ZSCAN20: variants seen among roughly 807,000 people sequenced by gnomAD.
The protein encoded by ZSCAN20 is zinc finger and SCAN domain containing 20, also known as zinc finger and SCAN domain-containing protein 20.
A neutral mutation model predicts 97.1 loss-of-function variants in ZSCAN20; 39 were observed. The observed-to-expected ratio is 0.40, with a 90% CI of 0.31 to 0.52. ZSCAN20 has a LOEUF of 0.52. Ranked by LOEUF, ZSCAN20 falls within the 20% of genes least tolerant of loss-of-function variation. The pLI is 0.49. For missense variants in ZSCAN20, 1,115 were observed against 1,290.4 expected (o/e 0.86, Z 2.08); for synonymous variants, 456 against 467.3 (o/e 0.98, Z 0.31).
chr1:33,495,590 A>G lies in ZSCAN20; in HGVS notation c.*114A>G. ...AGCTTGGTGTGTACCCAGGGAAGTTATCTTGGTATAAACCAGGTAATTTGG... is the reference window on the plus strand; with the variant it reads ...AGCTTGGTGTGTACCCAGGGAAGTTGTCTTGGTATAAACCAGGTAATTTGG... On this transcript the variant is annotated 3_prime_UTR_variant, in exon 8 of 8. Coordinates refer to ENST00000684572, the MANE Select transcript of ZSCAN20 (RefSeq NM_001377376.1). 1 of 1,003,224 alleles carries G rather than the reference A, an allele frequency of 1.0e-6. No homozygotes were observed. Among genetic ancestry groups the G allele is most frequent in the Non-Finnish European group, 1.3e-6 (1 of 745,558 alleles). 62.1% of individuals were successfully genotyped at this position (1,003,224 alleles called of 1,614,324 possible).
At chr1:33,487,451 T>C (rs1281179243) in intron 2 of ZSCAN20, among the ~76,000 whole-genome samples, 2 of 152,170 alleles carry the variant, frequency 1.3e-5, no homozygotes, top group South Asian at 2.1e-4. Flanking sequence ...TTGGGTAATG[T>C]TATTTTAGTT....
chr1:33,480,696 T>C (rs1045283132), intron 2 of ZSCAN20, among the ~76,000 whole-genome samples: 1 of 152,238 alleles, frequency 6.6e-6, no homozygotes, highest in African/African-American at 2.4e-5. Flanking sequence ...TATCTAACTT[T>C]ATATAACTAC....
Position 33,495,071 on chromosome 1 carries a change from G to A in ZSCAN20, c.2727G>A (p.Gly909=), listed in dbSNP as rs2148480988. ...GEKPYECAEC[G]KSFSKSSTLA... is the part of the protein sequence containing the mutation. The stretch of plus-strand genomic sequence containing the variant: ...AACCATATGAATGTGCCGAATGTGG[G>A]AAAAGCTTCAGTAAGAGCTCCACCC... The change falls in exon 8 of 8, where the codon GGG becomes GGA. Residue 909 remains glycine, a synonymous_variant. Coordinates refer to ENST00000684572, the MANE Select transcript of ZSCAN20 (RefSeq NM_001377376.1). 1 of 1,611,914 alleles carries A rather than the reference G, an allele frequency of 6.2e-7. No individual in the cohort carries two copies. Among genetic ancestry groups the A allele is most frequent in the South Asian group, 1.1e-5 (1 of 90,972 alleles).
chr1:33,488,590 A>C lies in ZSCAN20; in HGVS notation c.543A>C (p.Thr181=), dbSNP rs1336556599. 1 of 1,613,568 alleles carries C rather than the reference A, an allele frequency of 6.2e-7. No homozygotes were observed. The highest frequency in any genetic ancestry group is 1.7e-5 in the Admixed American group (1 of 59,826). Residue 181 remains threonine, a synonymous_variant, in exon 3 of 8, where the codon ACA becomes ACC. Transcript: ENST00000684572. ...GQSQKKGVKN[T]CPDLPNHLNA... ...CCCAGAAGAAGGGGGTGAAGAATAC[A>C]TGCCCTGACCTTCCCAATCACCTAA...
At position 33,500,830 on chromosome 1, in the gene ZSCAN20, C is replaced by G. The variant is rs1653044154; in HGVS notation, c.*5354C>G. Among the ~76,000 whole-genome samples, 1 of 151,816 alleles carries G rather than the reference C, an allele frequency of 6.6e-6. No individual in the cohort carries two copies. The highest frequency in any genetic ancestry group is 2.1e-4 in the South Asian group (1 of 4,814). ...ATCTGAGCCCAAGCAGGAGAGGAGC[C>G]ACAGGCCCAGGCTGGCAGAGTTGTG... On this transcript the variant is annotated 3_prime_UTR_variant, in exon 8 of 8. Coordinates refer to ENST00000684572, the MANE Select transcript of ZSCAN20 (RefSeq NM_001377376.1).
chr1:33,479,465 C>T lies in ZSCAN20; in HGVS notation c.177C>T (p.Tyr59=). ...GCCAGCGCTTCAGGCAATTCCAATACAGGGATGCAGCTGGACCCCACGAGG... is the reference window on the plus strand; with the variant it reads ...GCCAGCGCTTCAGGCAATTCCAATATAGGGATGCAGCTGGACCCCACGAGG... The part of the protein sequence containing the change: ...ASRQRFRQFQ[Y]RDAAGPHEAF... Residue 59 remains tyrosine, a synonymous_variant, in exon 2 of 8, where the codon TAC becomes TAT. Transcript: ENST00000684572. The T allele has an allele frequency of 1.2e-6, 2 of 1,614,162 alleles. No individual in the cohort carries two copies. The highest frequency in any genetic ancestry group is 1.1e-5 in the South Asian group (1 of 91,064).
chr1:33,492,774 C>CA (rs1239595476), intron 6 of ZSCAN20: 2,609 of 30,172 alleles, frequency 0.086, 71 homozygotes, highest in Non-Finnish European at 0.12. Flanking sequence ...GACTCCGTCT[C>CA]AAAAAAAAAA....
rs776458341 is a variant in ZSCAN20, at chr1:33,489,153, G to C, written c.643G>C (p.Gly215Arg). The C allele has an allele frequency of 2.5e-6, 4 of 1,613,830 alleles. No homozygotes were observed. Among genetic ancestry groups the C allele is most frequent in the Non-Finnish European group, 3.4e-6 (4 of 1,179,870 alleles). ...TPRVPTLPKM[G>R]SVGDWEVTAE... The stretch of plus-strand genomic sequence containing the variant: ...CCGAGTCCCTACTCTCCCAAAGATG[G>C]GGAGCGTTGGAGATTGGGAGGTGAC... The change falls in exon 4 of 8, where the codon GGG (glycine) becomes CGG (arginine). Residue 215 changes from glycine (G) to arginine (R), a missense_variant. By Grantham distance (125) the Gly-to-Arg change is moderately radical. This residue lies in a region of ZSCAN20 where 508 missense variants were observed against 611.2 expected (regional missense o/e 0.83). Transcript: ENST00000684572.
chr1:33,493,476 G>T lies in ZSCAN20; in HGVS notation c.1734G>T (p.Met578Ile), dbSNP rs1444919369. ...LMRARAAVRA[M>I]GTVREAAGLP... The stretch of plus-strand genomic sequence containing the variant: ...GGGCTCGGGCTGCAGTCAGGGCCAT[G>T]GGGACTGTCCGAGAGGCTGCAGGTC... Residue 578 changes from methionine to isoleucine, a missense_variant, in exon 7 of 8, where the codon ATG (methionine) becomes ATT (isoleucine). This residue lies in a region of ZSCAN20 where 554 missense variants were observed against 584.9 expected (regional missense o/e 0.95). Transcript: ENST00000684572. The surrounding 1 kb of genome is among the most constrained non-coding windows in gnomAD (Gnocchi z 4.3). The T allele has an allele frequency of 6.2e-7, 1 of 1,614,068 alleles. No homozygotes were observed. The highest frequency in any genetic ancestry group is 1.3e-5 in the African/African-American group (1 of 74,926).
chr1:33,484,338 C>G lies in ZSCAN20; in HGVS notation c.418-4127C>G, dbSNP rs529211471. 8.9e-4 allele frequency among the ~76,000 whole-genome samples: 135 copies of G among 152,216 alleles called. 3 individuals carry two copies. The South Asian group carries it at 0.012, about 13-fold the overall frequency. On this transcript the variant is annotated intron_variant, in intron 2 of 7. Transcript: ENST00000684572. ...TTAGCTGTAGGTTTTTTGTAGATGTCCTTTATCAAGTTGAGGAAGTTCCCC... is the reference window on the plus strand; with the variant it reads ...TTAGCTGTAGGTTTTTTGTAGATGTGCTTTATCAAGTTGAGGAAGTTCCCC...
At position 33,500,032 on chromosome 1, in the gene ZSCAN20, T is replaced by C. The variant is rs938352584; in HGVS notation, c.*4556T>C. 6.6e-6 allele frequency among the ~76,000 whole-genome samples: 1 copy of C among 152,114 alleles called. No homozygotes were observed. The highest frequency in any genetic ancestry group is 1.5e-5 in the Non-Finnish European group (1 of 68,024). On this transcript the variant is annotated 3_prime_UTR_variant, in exon 8 of 8. Transcript: ENST00000684572. ...TTTACAGGAGAGGAGGGAGTTGAAA[T>C]GGGCCTGGAGGCCTGGGATGGTAGA...
chr1:33,483,714 C>T (rs1356504425), intron 2 of ZSCAN20, among the ~76,000 whole-genome samples: 2 of 150,776 alleles, frequency 1.3e-5, no homozygotes, highest in African/African-American at 4.9e-5. Flanking sequence ...CAAAAAAAGA[C>T]TTTACAGTCA....
rs534675923 is a variant in ZSCAN20, at chr1:33,499,766, C to G, written c.*4290C>G. ...TAATCATTCAAAATATTCCCTTACCCCATTTTTTTTGGGGGGGAGATGGGG... is the reference window on the plus strand; with the variant it reads ...TAATCATTCAAAATATTCCCTTACCGCATTTTTTTTGGGGGGGAGATGGGG... On this transcript the variant is annotated 3_prime_UTR_variant, in exon 8 of 8. Coordinates refer to ENST00000684572, the MANE Select transcript of ZSCAN20 (RefSeq NM_001377376.1). Among the ~76,000 whole-genome samples the G allele has an allele frequency of 4.6e-5, 7 of 152,220 alleles. No homozygotes were observed. The highest frequency in any genetic ancestry group is 1.4e-4 in the African/African-American group (6 of 41,544).
intron 2 of ZSCAN20, among the ~76,000 whole-genome samples, chr1:33,483,587 C>T (rs568380629): frequency 6.7e-6 from 1 of 149,974 alleles, no homozygotes; most frequent in South Asian, 2.1e-4. Context: ...CCTGTAATCG[C>T]AGCACTTTGA....
chr1:33,489,641 T>C, intron 5 of ZSCAN20, 39 bp downstream of exon 5: 1 of 1,580,830 alleles, frequency 6.3e-7, no homozygotes. Context: ...GTTGTCATGC[T>C]TCTGATACAC....
intron 1 of ZSCAN20, among the ~76,000 whole-genome samples, chr1:33,474,610 A>G (rs1651852483): frequency 6.6e-6 from 1 of 152,234 alleles, no homozygotes; most frequent in East Asian, 1.9e-4. Flanking sequence ...GAGAGCTTTG[A>G]GATCACTTAG....
At chr1:33,477,031 G>A (rs1337967158) in intron 1 of ZSCAN20, among the ~76,000 whole-genome samples, 5 of 152,202 alleles carry the variant, frequency 3.3e-5, no homozygotes, top group Non-Finnish European at 7.3e-5. Context: ...TAATGTGGGT[G>A]TCAGATATAG....
In ZSCAN20 at chr1:33,495,004, G is replaced by T; in HGVS notation, c.2660G>T (p.Ser887Ile). 1 of 1,614,116 alleles carries T rather than the reference G, an allele frequency of 6.2e-7. No homozygotes were observed. The highest frequency in any genetic ancestry group is 8.5e-7 in the Non-Finnish European group (1 of 1,180,010). Residue 887 changes from serine to isoleucine, a missense_variant, in exon 8 of 8, where the codon AGC becomes ATC. By Grantham distance (142) the Ser-to-Ile change is moderately radical. Coordinates refer to ENST00000684572, the MANE Select transcript of ZSCAN20 (RefSeq NM_001377376.1). ...GAATGTGGAAGAAGCTTCTCTAAGAGCTCTGCCCTCATTAGTCACCAAAGA... is the reference window on the plus strand; with the variant it reads ...GAATGTGGAAGAAGCTTCTCTAAGATCTCTGCCCTCATTAGTCACCAAAGA... ...CSECGRSFSK[S>I]SALISHQRIH... is the part of the protein sequence containing the mutation.
rs1570562124 is a variant in ZSCAN20, at chr1:33,491,676, C to A, written c.1418C>A (p.Ala473Asp). Residue 473 changes from alanine to aspartate, a missense_variant, in exon 6 of 8, where the codon GCC (alanine) becomes GAC (aspartate). Physicochemically the swap from Ala to Asp is moderately radical, Grantham distance 126. Transcript: ENST00000684572. The surrounding 1 kb of genome is among the most constrained non-coding windows in gnomAD (Gnocchi z 4.3). ...ACCCAGGGGCCCAGGATTGCAGGGG[C>A]CCCAGCTCTGTTCCAGAGTCGTATT... Reference protein sequence around the residue: ...ESTQGPRIAGAPALFQSRIAG... With the variant: ...ESTQGPRIAGDPALFQSRIAG... 6.2e-7 allele frequency: 1 copy of A among 1,603,596 alleles called. No individual in the cohort carries two copies. The highest frequency in any genetic ancestry group is 8.5e-7 in the Non-Finnish European group (1 of 1,176,136).
Sources: gnomAD v4.1 joint callset for allele counts (sites outside exome capture counted in the v4.1 genomes callset) on GRCh38, gnomAD v4.1.1 for gene constraint, gnomAD v4.1.1 regional missense constraint, Gnocchi (gnomAD v3.1) non-coding constraint, MANE v1.5 for transcripts, NCBI Gene and HGNC (gene_info 2026-07-23, HGNC 2026-07-21) for gene names.